Variants in PATJ observed in about 807,000 individuals in gnomAD.
The protein encoded by PATJ is inaD-like protein.
In PATJ, 190 loss-of-function variants were observed where a neutral mutation model predicts 224.9. That is an observed-to-expected ratio of 0.84 (90% confidence interval 0.75 to 0.95). PATJ has a LOEUF of 0.95. Among genes scored for constraint, PATJ ranks in the 40% least tolerant of loss-of-function variants. The pLI is 0.00. For missense variants in PATJ, 2,121 were observed against 2,270.3 expected, an observed-to-expected ratio of 0.93 and a Z score of 1.34; for synonymous variants, 769 against 820.3, an observed-to-expected ratio of 0.94 and a Z score of 1.07.
intron 22 of PATJ, among the ~76,000 whole-genome samples, chr1:61,895,005 A>T (rs1670161777): frequency 6.6e-6 from 1 of 152,222 alleles, no homozygotes; most frequent in African/African-American, 2.4e-5. Context: ...TAGCAAAAAG[A>T]CTGGCAGCAT....
At position 61,805,522 on chromosome 1, in the gene PATJ, A is replaced by G; in HGVS notation, c.1624A>G (p.Met542Val). 3 of 1,554,666 alleles carry G rather than the reference A, an allele frequency of 1.9e-6. No individual in the cohort carries two copies. Among genetic ancestry groups the G allele is most frequent in the Admixed American group, 1.7e-5 (1 of 59,678 alleles). ...ENLLGPDYEVMVATLDTQIAD... is the reference protein window; with the variant it reads ...ENLLGPDYEVVVATLDTQIAD... ...CCTGTTGGGTCCTGATTATGAAGTA[A>G]TGGTATGTTAAAATGCTCTAATAAA... The change falls in exon 13 of 44, where the codon ATG becomes GTG. Residue 542 changes from methionine (M) to valine (V), a missense_variant and splice_region_variant. Transcript: ENST00000642238.
At chr1:62,150,174 A>G (rs1240794278) in intron 42 of PATJ, among the ~76,000 whole-genome samples, 3 of 152,204 alleles carry the variant, frequency 2.0e-5, no homozygotes, top group African/African-American at 7.2e-5. Flanking sequence ...GGGGAAAAGT[A>G]GAGCCTTATT....
chr1:62,133,485 G>A (rs2148963894), intron 41 of PATJ, among the ~76,000 whole-genome samples: 1 of 152,238 alleles, frequency 6.6e-6, no homozygotes, highest in African/African-American at 2.4e-5. Context: ...GGGAGGCTGA[G>A]GCAGGAGAAC....
intron 17 of PATJ, among the ~76,000 whole-genome samples, chr1:61,835,610 G>A (rs1415086083): frequency 6.6e-6 from 1 of 151,978 alleles, no homozygotes; most frequent in African/African-American, 2.4e-5. Flanking sequence ...CACCATTTTG[G>A]CCAGGCTAGT....
At chr1:62,066,066 G>A (rs186967768) in intron 31 of PATJ, among the ~76,000 whole-genome samples, 1 of 152,302 alleles carries the variant, frequency 6.6e-6, no homozygotes, top group East Asian at 1.9e-4. Context: ...TTTGTATTGA[G>A]GGCCAGTTAT....
intron 31 of PATJ, among the ~76,000 whole-genome samples, chr1:62,062,258 T>G (rs999078263): frequency 7.1e-6 from 1 of 140,514 alleles, no homozygotes; most frequent in African/African-American, 3.1e-5. Context: ...TAACATCTGT[T>G]TTTTTTTATT....
chr1:61,767,965 C>T (rs982611855), intron 4 of PATJ, among the ~76,000 whole-genome samples: 4 of 151,882 alleles, frequency 2.6e-5, no homozygotes, highest in Non-Finnish European at 2.9e-5. Context: ...GCCATTGCGC[C>T]GGGCCAGTTC....
At chr1:61,758,829 T>C (rs765270914) in intron 1 of PATJ, among the ~76,000 whole-genome samples, 29 of 152,118 alleles carry the variant, frequency 1.9e-4, no homozygotes, top group Non-Finnish European at 3.5e-4. Flanking sequence ...GGCATAATCA[T>C]AGCTCACTAT....
At chr1:61,777,164 C>G (rs1374507572) in intron 7 of PATJ, among the ~76,000 whole-genome samples, 1 of 152,148 alleles carries the variant, frequency 6.6e-6, no homozygotes, top group East Asian at 1.9e-4. Flanking sequence ...TCAAGGAAAA[C>G]AACTGACACT....
chr1:61,819,376 T>C (rs540898243), intron 14 of PATJ, among the ~76,000 whole-genome samples: 1 of 152,130 alleles, frequency 6.6e-6, no homozygotes, highest in South Asian at 2.1e-4. Context: ...TGATTGGTTG[T>C]TTATTTATGT....
chr1:61,809,065 T>C (rs1237925475), intron 14 of PATJ, among the ~76,000 whole-genome samples: 2 of 152,202 alleles, frequency 1.3e-5, no homozygotes, highest in African/African-American at 4.8e-5. Context: ...ATCTTCTGAG[T>C]GTAGGCAGTA....
At chr1:61,810,005 C>T (rs1225739741) in intron 14 of PATJ, among the ~76,000 whole-genome samples, 1 of 151,780 alleles carries the variant, frequency 6.6e-6, no homozygotes, top group East Asian at 2.0e-4. Flanking sequence ...GTGTCACCAC[C>T]CCCGGCTAAT....
intron 16 of PATJ, among the ~76,000 whole-genome samples, chr1:61,831,469 A>C (rs926203954): frequency 1.3e-5 from 2 of 152,192 alleles, no homozygotes; most frequent in African/African-American, 2.4e-5. Context: ...ATCTATAAAG[A>C]ACTTAAAACA....
chr1:62,058,373 T>TA (rs1308207200), intron 31 of PATJ, among the ~76,000 whole-genome samples: 4 of 152,192 alleles, frequency 2.6e-5, no homozygotes, highest in Admixed American at 2.6e-4. Flanking sequence ...TTGATCCTTA[T>TA]AAAAAAATTA....
intron 29 of PATJ, among the ~76,000 whole-genome samples, chr1:62,036,594 G>A (rs1303879710): frequency 6.6e-6 from 1 of 152,094 alleles, no homozygotes; most frequent in East Asian, 1.9e-4. Context: ...ATGTGAATTT[G>A]GAAGACATCC....
intron 31 of PATJ, among the ~76,000 whole-genome samples, chr1:62,066,109 A>G (rs1353407525): frequency 6.6e-6 from 1 of 152,186 alleles, no homozygotes; most frequent in Non-Finnish European, 1.5e-5. Context: ...AGGTGTAGTG[A>G]CAGTGAAGAA....
At chr1:61,765,321 C>T (rs1249644553) in intron 3 of PATJ, among the ~76,000 whole-genome samples, 2 of 151,320 alleles carry the variant, frequency 1.3e-5, no homozygotes, top group Non-Finnish European at 2.9e-5. Flanking sequence ...AAGCAGTCCT[C>T]CCACCTTGAT....
chr1:61,851,156 T>C (rs1032677049), intron 17 of PATJ, among the ~76,000 whole-genome samples: 69 of 152,318 alleles, frequency 4.5e-4, no homozygotes, highest in Non-Finnish European at 2.1e-4. Flanking sequence ...CAGTAAAATG[T>C]AAAAAGTATT....
rs773346087 is a variant in PATJ at position 62,016,531 on chromosome 1, AG to A, written c.3868-1323del. 1.8e-4 allele frequency among the ~76,000 whole-genome samples: 27 copies of A among 152,242 alleles called. 1 individual carries two copies. Among genetic ancestry groups the A allele is most frequent in the Non-Finnish European group, 2.9e-4 (20 of 68,040 alleles). ...ATTAACTACTTTTTAAAGAGATAGA[AG>A]GAAAAAGTCAAAACTGTATGAGCTG... On this transcript the variant is annotated intron_variant, in intron 28 of 43. Coordinates refer to ENST00000642238, the MANE Select transcript of PATJ (RefSeq NM_001350145.3).
Sources: gnomAD v4.1 joint callset for allele counts (sites outside exome capture counted in the v4.1 genomes callset) on GRCh38, gnomAD v4.1.1 for gene constraint, MANE v1.5 for transcripts, NCBI Gene and HGNC (gene_info 2026-07-23, HGNC 2026-07-21) for gene names.